Variants in FAM53B observed in about 807,000 individuals in gnomAD.
FAM53B encodes the protein protein FAM53B.
In FAM53B, 12 loss-of-function variants were observed where a neutral mutation model predicts 32.7. That is an observed-to-expected ratio of 0.37 (90% confidence interval 0.24 to 0.59). The LOEUF is 0.59. Among genes scored for constraint, FAM53B ranks in the 20% least tolerant of loss-of-function variants. The pLI is 0.72. For synonymous variants in FAM53B, 234 were observed against 228.7 expected (o/e 1.02, Z -0.21); for missense variants, 477 against 577.7 (o/e 0.83, Z 1.79).
Position 124,651,758 on chromosome 10 carries a change from G to A in FAM53B, c.907-28154C>T, listed in dbSNP as rs183927397. 3.3e-4 allele frequency among the ~76,000 whole-genome samples: 50 copies of A among 152,326 alleles called. No homozygotes were observed. The highest frequency in any genetic ancestry group is 1.7e-3 in the Admixed American group (26 of 15,306). On this transcript the variant is annotated intron_variant, in intron 4 of 4. Coordinates refer to ENST00000337318, the MANE Select transcript of FAM53B (RefSeq NM_014661.4). This position sits in a 1 kb window ranked among gnomAD's most constrained non-coding sequence, Gnocchi z 5.2. ...AGATGTCTAGCCCCTGCCTCAGGTCGGCAGTGACTGGGCACTGGCACATGG... is the reference window on the plus strand; with the variant it reads ...AGATGTCTAGCCCCTGCCTCAGGTCAGCAGTGACTGGGCACTGGCACATGG...
intron 4 of FAM53B, among the ~76,000 whole-genome samples, chr10:124,629,623 C>G (rs1231312653): frequency 2.0e-5 from 3 of 152,158 alleles, no homozygotes; most frequent in Non-Finnish European, 2.9e-5. Context: ...TGCATGAGAA[C>G]AGAATTCTCC....
intron 1 of FAM53B, among the ~76,000 whole-genome samples, chr10:124,741,716 T>C (rs1589770742): frequency 6.6e-6 from 1 of 152,146 alleles, no homozygotes; most frequent in African/African-American, 2.4e-5. Flanking sequence ...CAGGAAATAA[T>C]ACCAGGACTT....
intron 4 of FAM53B, among the ~76,000 whole-genome samples, chr10:124,625,504 G>A (rs986221143): frequency 4.7e-4 from 72 of 152,130 alleles, no homozygotes; most frequent in African/African-American, 1.5e-3. Context: ...AGCTGGAGAC[G>A]GCGACCCCTG....
At chr10:124,736,622 T>A (rs1216000152) in intron 1 of FAM53B, among the ~76,000 whole-genome samples, 2 of 152,270 alleles carry the variant, frequency 1.3e-5, no homozygotes, top group African/African-American at 4.8e-5. Context: ...CTCTCCCAGC[T>A]GGGCTTTGTC....
intron 4 of FAM53B, among the ~76,000 whole-genome samples, chr10:124,635,156 G>A (rs973326637): frequency 6.6e-6 from 1 of 152,158 alleles, no homozygotes; most frequent in African/African-American, 2.4e-5. Context: ...GCAGTGGCAT[G>A]ATCTCGGCTC....
At chr10:124,716,156 G>A (rs1950037342) in intron 1 of FAM53B, among the ~76,000 whole-genome samples, 1 of 152,232 alleles carries the variant, frequency 6.6e-6, no homozygotes, top group African/African-American at 2.4e-5. Context: ...ACAGGAAGGT[G>A]TGTCCTCAGA....
intron 4 of FAM53B, among the ~76,000 whole-genome samples, chr10:124,625,588 G>A (rs1182157869): frequency 6.6e-6 from 1 of 152,176 alleles, no homozygotes; most frequent in Non-Finnish European, 1.5e-5. Context: ...ATCCTCGCCT[G>A]CCCCTGGCCA....
chr10:124,710,155 T>TAG (rs958865406), intron 1 of FAM53B, among the ~76,000 whole-genome samples: 12 of 152,216 alleles, frequency 7.9e-5, no homozygotes, highest in Admixed American at 7.2e-4. Context: ...GGATGGGAGC[T>TAG]AGAGAGAGAC....
intron 4 of FAM53B, among the ~76,000 whole-genome samples, chr10:124,677,490 A>G (rs540658781): frequency 6.6e-6 from 1 of 152,368 alleles, no homozygotes; most frequent in South Asian, 2.1e-4. Context: ...CCTTTGGACA[A>G]CCTGCTCTGT....
chr10:124,634,563 C>A (rs978136374), intron 4 of FAM53B, among the ~76,000 whole-genome samples: 1 of 152,220 alleles, frequency 6.6e-6, no homozygotes, highest in African/African-American at 2.4e-5. Context: ...CACCTGCCGC[C>A]ATGTGAAGAA....
chr10:124,660,129 T>G (rs1169563369), intron 4 of FAM53B, among the ~76,000 whole-genome samples: 2 of 152,228 alleles, frequency 1.3e-5, no homozygotes, highest in Non-Finnish European at 2.9e-5. Flanking sequence ...TCTAGGGGTT[T>G]GTCTTCAGTG....
chr10:124,730,334 G>A (rs921317569), intron 1 of FAM53B, among the ~76,000 whole-genome samples: 3 of 152,190 alleles, frequency 2.0e-5, no homozygotes, highest in Non-Finnish European at 2.9e-5. Context: ...TGAGGCCAAC[G>A]GCCCCAGTGA....
chr10:124,666,976 C>T (rs1372424676), intron 4 of FAM53B, among the ~76,000 whole-genome samples: 4 of 152,308 alleles, frequency 2.6e-5, no homozygotes, highest in African/African-American at 9.6e-5. Context: ...TGGCATTGGG[C>T]CCTTCCAGAG....
At chr10:124,720,910 G>C (rs116607545) in intron 1 of FAM53B, among the ~76,000 whole-genome samples, 8,727 of 152,246 alleles carry the variant, frequency 0.057, 822 homozygotes, top group African/African-American at 0.2. Context: ...CTAAAGTTCA[G>C]AAATCTGGGC....
chr10:124,657,150 GTA>G (rs1454883221), intron 4 of FAM53B, among the ~76,000 whole-genome samples: 2 of 134,520 alleles, frequency 1.5e-5, no homozygotes, highest in East Asian at 2.1e-4. Context: ...ATATATATGT[GTA>G]TATATGTGTG....
At chr10:124,697,727 G>A (rs1438478890) in intron 2 of FAM53B, among the ~76,000 whole-genome samples, 7 of 152,066 alleles carry the variant, frequency 4.6e-5, no homozygotes, top group African/African-American at 1.4e-4. Context: ...CACTTGATGA[G>A]GACCACAGGA....
chr10:124,721,311 T>C (rs1452952681), intron 1 of FAM53B, among the ~76,000 whole-genome samples: 1 of 152,264 alleles, frequency 6.6e-6, no homozygotes, highest in East Asian at 1.9e-4. Context: ...GGACAGACTC[T>C]TACTCGCTTC....
At chr10:124,627,681 A>G (rs1270023354) in intron 4 of FAM53B, among the ~76,000 whole-genome samples, 1 of 152,180 alleles carries the variant, frequency 6.6e-6, no homozygotes, top group Non-Finnish European at 1.5e-5. Flanking sequence ...GCAGCCTGCT[A>G]GAGAGGCAAC....
intron 1 of FAM53B, among the ~76,000 whole-genome samples, chr10:124,738,667 C>T (rs1272381975): frequency 6.6e-6 from 1 of 151,872 alleles, no homozygotes; most frequent in Non-Finnish European, 1.5e-5. Context: ...AGTTCAGTCA[C>T]ACTGGAGGAT....
Sources: gnomAD v4.1 joint callset for allele counts (sites outside exome capture counted in the v4.1 genomes callset) on GRCh38, gnomAD v4.1.1 for gene constraint, Gnocchi (gnomAD v3.1) non-coding constraint, MANE v1.5 for transcripts, NCBI Gene and HGNC (gene_info 2026-07-23, HGNC 2026-07-21) for gene names.